The following ZNF285 variants were observed in gnomAD, a reference collection of about 807,000 sequenced individuals.
The protein encoded by ZNF285 is zinc finger protein 285A.
Under a neutral mutation model 6.2 loss-of-function variants are expected in ZNF285, and 4 were observed. The ratio of observed to expected loss-of-function variants is 0.65; its 90% CI spans 0.32 to 1.49. ZNF285 has a LOEUF of 1.49. Ranked by LOEUF, ZNF285 falls within the 40% of genes most tolerant of loss-of-function variation. ZNF285 has a pLI of 0.07. For synonymous variants in ZNF285, 240 were observed against 245.8 expected, an observed-to-expected ratio of 0.98 and a Z score of 0.22; for missense variants, 695 against 708.8, an observed-to-expected ratio of 0.98 and a Z score of 0.22.
intron 3 of ZNF285, among the ~76,000 whole-genome samples, chr19:44,391,772 G>A (rs1442390875): frequency 6.6e-6 from 1 of 151,864 alleles, no homozygotes; most frequent in Non-Finnish European, 1.5e-5. Context: ...ACTAAACTTA[G>A]GTAACATATA....
chr19:44,393,312 T>C (rs1285809667), intron 2 of ZNF285, among the ~76,000 whole-genome samples: 1 of 152,162 alleles, frequency 6.6e-6, no homozygotes, highest in African/African-American at 2.4e-5. Flanking sequence ...GATTACACAT[T>C]ATGCTATTCT....
Position 44,385,641 on chromosome 19 carries a change from C to A in ZNF285, c.*831G>T, listed in dbSNP as rs1971056454. ...CAGTAATAAATAAACCACCAAAAATCTCAGTGGTGAGACACAATGAACTTT... is the reference window on the plus strand; with the variant it reads ...CAGTAATAAATAAACCACCAAAAATATCAGTGGTGAGACACAATGAACTTT... On this transcript the variant is annotated 3_prime_UTR_variant, in exon 4 of 4. Coordinates refer to ENST00000614994, the MANE Select transcript of ZNF285 (RefSeq NM_152354.6). 1 of 152,182 alleles carries A rather than the reference C, an allele frequency of 6.6e-6. No homozygotes were observed. Among genetic ancestry groups the A allele is most frequent in the Non-Finnish European group, 1.5e-5 (1 of 68,036 alleles). 9.4% of individuals were successfully genotyped at this position (152,182 alleles called of 1,614,324 possible).
At position 44,383,561 on chromosome 19, in the gene ZNF285, C is replaced by T. The variant is rs531998044; in HGVS notation, c.*2911G>A. 1 of 152,334 alleles carries T rather than the reference C, an allele frequency of 6.6e-6. No individual in the cohort carries two copies. Among genetic ancestry groups the T allele is most frequent in the East Asian group, 1.9e-4 (1 of 5,190 alleles). 9.4% of individuals were successfully genotyped at this position (152,334 alleles called of 1,614,324 possible). ...ACAAAGCCCAGTTAAGATAATCTAG[C>T]ATGTCCCACACCAGAACTGCCCAGC... On this transcript the variant is annotated 3_prime_UTR_variant, in exon 4 of 4. Coordinates refer to ENST00000614994, the MANE Select transcript of ZNF285 (RefSeq NM_152354.6).
chr19:44,387,168 A>C lies in ZNF285; in HGVS notation c.1077T>G (p.Leu359=), dbSNP rs772056158. ...CGKGFGFRSL[L]CIHQGVHTGK... Reference sequence around the variant, plus strand: ...CTGTGTGTACTCCCTGATGAATACAAAGAAGTGACCTAAATCCAAACCCTT... The same window carrying C: ...CTGTGTGTACTCCCTGATGAATACACAGAAGTGACCTAAATCCAAACCCTT... The change falls in exon 4 of 4, where the codon CTT becomes CTG. Residue 359 remains leucine (L), a synonymous_variant. Coordinates refer to ENST00000614994, the MANE Select transcript of ZNF285 (RefSeq NM_152354.6). 1 of 1,613,950 alleles carries C rather than the reference A, an allele frequency of 6.2e-7. No individual in the cohort carries two copies. The highest frequency in any genetic ancestry group is 2.2e-5 in the East Asian group (1 of 44,882).
chr19:44,387,065 G>A lies in ZNF285; in HGVS notation c.1180C>T (p.His394Tyr), dbSNP rs747085324. ...CATTTGTAGGGCTTCTCTCCAGTGT[G>A]GACTCTCTGATGGACAAGAAGGTTG... ...SSNLLVHQRV[H>Y]TGEKPYKCSE... Residue 394 changes from histidine to tyrosine, a missense_variant, in exon 4 of 4, where the codon CAC (histidine) becomes TAC (tyrosine). By Grantham distance (83) the His-to-Tyr change is moderately conservative. Coordinates refer to ENST00000614994, the MANE Select transcript of ZNF285 (RefSeq NM_152354.6). The A allele has an allele frequency of 6.2e-7, 1 of 1,614,092 alleles. No homozygotes were observed. Among genetic ancestry groups the A allele is most frequent in the South Asian group, 1.1e-5 (1 of 91,084 alleles).
rs1237280818 is a variant in ZNF285, at chr19:44,397,239, G to A, written c.-26C>T. 4.3e-6 allele frequency: 7 copies of A among 1,613,904 alleles called. No homozygotes were observed. Among genetic ancestry groups the A allele is most frequent in the South Asian group, 3.3e-5 (3 of 91,068 alleles). On this transcript the variant is annotated 5_prime_UTR_variant, in exon 2 of 4. Coordinates refer to ENST00000614994, the MANE Select transcript of ZNF285 (RefSeq NM_152354.6). Reference sequence around the variant, plus strand: ...ACCGTCTTCCTTTTGGAAAGGGCAGGATTCTGGAAAAGCAGAACTGCAAAG... The same window carrying A: ...ACCGTCTTCCTTTTGGAAAGGGCAGAATTCTGGAAAAGCAGAACTGCAAAG...
At chr19:44,392,997 A>C (rs2123277743) in intron 2 of ZNF285, among the ~76,000 whole-genome samples, 1 of 152,294 alleles carries the variant, frequency 6.6e-6, no homozygotes, top group Non-Finnish European at 1.5e-5. Flanking sequence ...TCCTAGATTC[A>C]AAAAACACAA....
chr19:44,398,594 T>A (rs576158060), intron 1 of ZNF285, among the ~76,000 whole-genome samples: 9 of 152,306 alleles, frequency 5.9e-5, no homozygotes, highest in African/African-American at 2.2e-4. Context: ...GTTACCCTGC[T>A]ATCACTAGCT....
chr19:44,398,661 T>C (rs540008626), intron 1 of ZNF285, among the ~76,000 whole-genome samples: 17 of 152,276 alleles, frequency 1.1e-4, no homozygotes, highest in South Asian at 4.1e-4. Context: ...ACTTTATAGA[T>C]TGTCCCTTTA....
Position 44,388,232 on chromosome 19 carries a change from C to T in ZNF285, c.143-130G>A, listed in dbSNP as rs551571119. The stretch of plus-strand genomic sequence containing the variant: ...TTGACGTATGAAACAATTAGAGCCA[C>T]GGTAATTCTAACCTGTGAGCTGCCA... On this transcript the variant is annotated intron_variant, in intron 3 of 3. Coordinates refer to ENST00000614994, the MANE Select transcript of ZNF285 (RefSeq NM_152354.6). 565 of 809,598 alleles carry T rather than the reference C, an allele frequency of 7.0e-4. 3 individuals are homozygous for T. The highest frequency in any genetic ancestry group is 3.7e-4 in the Non-Finnish European group (192 of 515,648). 50.2% of individuals were successfully genotyped at this position (809,598 alleles called of 1,614,324 possible). A position where few individuals can be genotyped will look rare whatever the true frequency, so the allele number is the denominator to read the frequency against.
chr19:44,386,687 C>T lies in ZNF285; in HGVS notation c.1558G>A (p.Gly520Ser), dbSNP rs1440665904. The T allele has an allele frequency of 6.2e-7, 1 of 1,614,158 alleles. No individual in the cohort carries two copies. The highest frequency in any genetic ancestry group is 8.5e-7 in the Non-Finnish European group (1 of 1,180,016). The change falls in exon 4 of 4, where the codon GGC becomes AGC. Residue 520 changes from glycine to serine, a missense_variant. By Grantham distance (56) the Gly-to-Ser change is moderately conservative. Transcript: ENST00000614994. ...TTAAGATCTGAATTCCGGCTGAAGCCTTTACCACACTCATCACATTTATAT... is the reference window on the plus strand; with the variant it reads ...TTAAGATCTGAATTCCGGCTGAAGCTTTTACCACACTCATCACATTTATAT... The part of the protein sequence containing the change: ...KPYKCDECGK[G>S]FSRNSDLNVH...
chr19:44,397,624 C>T (rs113470674), intron 1 of ZNF285, among the ~76,000 whole-genome samples: 7,595 of 152,228 alleles, frequency 0.05, 301 homozygotes, highest in East Asian at 0.2. Context: ...GTGGCTCACA[C>T]CTGTAATCCC....
intron 3 of ZNF285, among the ~76,000 whole-genome samples, chr19:44,390,438 C>T (rs149886660): frequency 0.046 from 7,003 of 152,246 alleles, 535 homozygotes; most frequent in African/African-American, 0.16. Context: ...CCCTTTGTTT[C>T]GGCCAATTTC....
intron 2 of ZNF285, among the ~76,000 whole-genome samples, chr19:44,394,936 A>C (rs1387133825): frequency 6.6e-6 from 1 of 152,170 alleles, no homozygotes; most frequent in African/African-American, 2.4e-5. Flanking sequence ...GGAAATACAG[A>C]TACACTGAAG....
In ZNF285 at chr19:44,387,621, G is replaced by A; in HGVS notation, c.624C>T (p.Ser208=). 1 of 1,613,890 alleles carries A rather than the reference G, an allele frequency of 6.2e-7. No homozygotes were observed. The highest frequency in any genetic ancestry group is 8.5e-7 in the Non-Finnish European group (1 of 1,179,844). Residue 208 remains serine, a synonymous_variant, in exon 4 of 4, where the codon AGC becomes AGT. Transcript: ENST00000614994. ...CKGEDPGRHP[S]CGKNLGMKST... ...ATTTCATACCCAAGTTTTTCCCACAGCTGGGATGTCTACCAGGGTCCTCTC... is the reference window on the plus strand; with the variant it reads ...ATTTCATACCCAAGTTTTTCCCACAACTGGGATGTCTACCAGGGTCCTCTC...
chr19:44,387,719 A>G lies in ZNF285; in HGVS notation c.526T>C (p.Tyr176His), dbSNP rs376769237. The G allele has an allele frequency of 1.1e-5, 17 of 1,613,902 alleles. No individual in the cohort carries two copies. The African/African-American group carries it at 2.1e-4, about 20-fold the overall frequency. Residue 176 changes from tyrosine (Y) to histidine (H), a missense_variant, in exon 4 of 4, where the codon TAC (tyrosine) becomes CAC (histidine). Coordinates refer to ENST00000614994, the MANE Select transcript of ZNF285 (RefSeq NM_152354.6). The part of the protein sequence containing the change: ...YKGIYMEEKL[Y>H]RRAQHDDSLS... ...CTGTCATCATGCTGAGCACGTCTGT[A>G]CAATTTCTCTTCCATGTAAATTCCC...
In ZNF285 at chr19:44,382,520, A is replaced by T. The variant is rs192225564; in HGVS notation, c.*3952T>A. 1 of 151,982 alleles carries T rather than the reference A, an allele frequency of 6.6e-6. No homozygotes were observed. The allele number at this position is 151,982 out of a possible 1,614,324, so 9.4% of individuals were successfully genotyped here. ...TCACTATGTTGGCCAGGCTGGTCTC[A>T]AACTCCTGATCTTGTGATTCAGCCA... is the stretch of plus-strand genomic sequence containing the variant. On this transcript the variant is annotated 3_prime_UTR_variant, in exon 4 of 4. Coordinates refer to ENST00000614994, the MANE Select transcript of ZNF285 (RefSeq NM_152354.6).
In ZNF285 at chr19:44,387,686, A is replaced by C; in HGVS notation, c.559T>G (p.Trp187Gly). ...RRAQHDDSLS[W>G]TSCDHHESQE... ...GACTCATGATGATCACATGAGGTCC[A>C]ACTGAGGCTGTCATCATGCTGAGCA... The change falls in exon 4 of 4, where the codon TGG (tryptophan) becomes GGG (glycine). Residue 187 changes from tryptophan to glycine, a missense_variant. Transcript: ENST00000614994. The C allele has an allele frequency of 6.2e-7, 1 of 1,613,842 alleles. No homozygotes were observed.
chr19:44,386,418 A>G lies in ZNF285; in HGVS notation c.*54T>C. On this transcript the variant is annotated 3_prime_UTR_variant, in exon 4 of 4. Transcript: ENST00000614994. ...CCCACAGGCTGAGTAAGCCTCTATC[A>G]TCTGGAATACAGTGTGGCTTCTGTT... 6.4e-7 allele frequency: 1 copy of G among 1,555,482 alleles called. No homozygotes were observed.
Sources: allele counts gnomAD v4.1 joint callset (sites outside exome capture counted in the v4.1 genomes callset), GRCh38; gene constraint gnomAD v4.1.1; transcripts MANE v1.5; gene names NCBI Gene and HGNC (gene_info 2026-07-23, HGNC 2026-07-21).